The following MBTD1 variants were observed in gnomAD, a reference collection of about 807,000 sequenced individuals.
The protein encoded by MBTD1 is MBT domain-containing protein 1.
A neutral mutation model predicts 87.8 loss-of-function variants in MBTD1; 24 were observed. The observed-to-expected ratio is 0.27, with a 90% CI of 0.20 to 0.38. The LOEUF (loss-of-function observed/expected upper bound fraction) is 0.38, where lower values mean the gene tolerates loss of function less well. Among genes scored for constraint, MBTD1 ranks in the 10% least tolerant of loss-of-function variants. The pLI is 1.00. For synonymous variants in MBTD1, 237 were observed against 248.6 expected (o/e 0.95, Z 0.44); for missense variants, 436 against 760.2 (o/e 0.57, Z 5.02).
At chr17:51,260,854 C>G (rs2144374053), upstream of MBTD1, 1 of 1,601,264 alleles carries the variant, frequency 6.2e-7, no homozygotes, top group South Asian at 1.1e-5. Flanking sequence ...TGGAGCGGTG[C>G]TTGGAGGAGC....
At chr17:51,202,322 G>A (rs1266169496) in intron 10 of MBTD1, among the ~76,000 whole-genome samples, 1 of 152,090 alleles carries the variant, frequency 6.6e-6, no homozygotes, top group East Asian at 1.9e-4. Flanking sequence ...TCCCTAGTTA[G>A]AAAATTACAA....
chr17:51,198,253 C>A (rs2051252333), intron 12 of MBTD1, among the ~76,000 whole-genome samples: 1 of 152,172 alleles, frequency 6.6e-6, no homozygotes, highest in African/African-American at 2.4e-5. Context: ...TGGATGCTGC[C>A]CCTCTTAGAC....
intron 2 of MBTD1, among the ~76,000 whole-genome samples, chr17:51,245,075 T>C (rs1366805553): frequency 1.3e-5 from 2 of 152,124 alleles, no homozygotes; most frequent in East Asian, 1.9e-4. Flanking sequence ...TAATTTTTTG[T>C]ATTTTTAGTA....
At chr17:51,254,998 A>C (rs1213399998) in intron 2 of MBTD1, among the ~76,000 whole-genome samples, 1 of 152,154 alleles carries the variant, frequency 6.6e-6, no homozygotes, top group Non-Finnish European at 1.5e-5. Flanking sequence ...TAACATAGAG[A>C]CGGGCCAGGC....
At chr17:51,220,645 G>A in intron 3 of MBTD1, among the ~76,000 whole-genome samples, 182 bp from the exon 4 acceptor site, 1 of 152,176 alleles carries the variant, frequency 6.6e-6, no homozygotes, top group East Asian at 1.9e-4. Flanking sequence ...AGAGAACACT[G>A]GTATTGTGCC....
chr17:51,210,294 A>G (rs948383996), intron 6 of MBTD1, among the ~76,000 whole-genome samples: 1 of 151,986 alleles, frequency 6.6e-6, no homozygotes, highest in Non-Finnish European at 1.5e-5. Context: ...CCTGTCCTCT[A>G]CTCATCTTTT....
intron 2 of MBTD1, among the ~76,000 whole-genome samples, chr17:51,231,690 G>A (rs1265677963): frequency 6.6e-6 from 1 of 152,102 alleles, no homozygotes; most frequent in African/African-American, 2.4e-5. Context: ...GATGCACCCA[G>A]CCTAAGGCCT....
intron 2 of MBTD1, among the ~76,000 whole-genome samples, 177 bp from the exon 3 acceptor site, chr17:51,225,386 C>T (rs908477191): frequency 4.8e-4 from 73 of 151,938 alleles, no homozygotes; most frequent in African/African-American, 1.5e-3. Context: ...CAGAGTCTCG[C>T]TCTGTCACCC....
chr17:51,259,265 G>A (rs2055296575), intron 1 of MBTD1, 59 bp from the exon 2 acceptor site: 6 of 1,231,470 alleles, frequency 4.9e-6, no homozygotes, highest in African/African-American at 1.6e-5. Flanking sequence ...GAAGTCCACC[G>A]ACTTGAAACC....
chr17:51,205,543 A>C (rs1372371465), intron 7 of MBTD1, among the ~76,000 whole-genome samples: 2 of 152,236 alleles, frequency 1.3e-5, no homozygotes, highest in Non-Finnish European at 2.9e-5. Context: ...TTTCAAGAAA[A>C]AGATGGGGAA....
intron 2 of MBTD1, among the ~76,000 whole-genome samples, chr17:51,247,798 C>T (rs1274936711): frequency 6.6e-6 from 1 of 152,204 alleles, no homozygotes; most frequent in Non-Finnish European, 1.5e-5. Flanking sequence ...ATTTTCTATA[C>T]TCATGTAGCA....
chr17:51,254,299 G>A (rs2144254376), intron 2 of MBTD1, among the ~76,000 whole-genome samples: 1 of 152,296 alleles, frequency 6.6e-6, no homozygotes, highest in Admixed American at 6.5e-5. Context: ...AAACTCATCA[G>A]TGTAAAGAGA....
chr17:51,258,847 T>C (rs1033247495), intron 2 of MBTD1, among the ~76,000 whole-genome samples: 1 of 152,224 alleles, frequency 6.6e-6, no homozygotes, highest in South Asian at 2.1e-4. Flanking sequence ...CACTTGACAC[T>C]GACCCAGCAA....
At chr17:51,182,438 T>G (rs1028421967) in intron 16 of MBTD1, among the ~76,000 whole-genome samples, 1 of 152,202 alleles carries the variant, frequency 6.6e-6, no homozygotes, top group African/African-American at 2.4e-5. Context: ...TTTATACATT[T>G]GAATGGTTCT....
chr17:51,232,236 T>C (rs2053587226), intron 2 of MBTD1, among the ~76,000 whole-genome samples: 1 of 152,126 alleles, frequency 6.6e-6, no homozygotes, highest in Non-Finnish European at 1.5e-5. Flanking sequence ...AGGCTACCAG[T>C]GCCCTTTGAT....
At chr17:51,185,041 A>G (rs1458979860) in intron 16 of MBTD1, 1 of 152,230 alleles carries the variant, frequency 6.6e-6, no homozygotes, top group Non-Finnish European at 1.5e-5. Flanking sequence ...CAAAAGCTAA[A>G]GAACATATCC....
At chr17:51,211,568 CAG>C (rs997008058) in intron 6 of MBTD1, among the ~76,000 whole-genome samples, 21 of 151,150 alleles carry the variant, frequency 1.4e-4, no homozygotes, top group Non-Finnish European at 2.9e-4. Flanking sequence ...TGCTTTCCCG[CAG>C]AGAGTTTATT....
chr17:51,198,504 T>C (rs1441928467), intron 12 of MBTD1, among the ~76,000 whole-genome samples: 1 of 152,222 alleles, frequency 6.6e-6, no homozygotes, highest in Non-Finnish European at 1.5e-5. Context: ...TGGACAGAAC[T>C]ACCCCACTTA....
chr17:51,181,345 A>G (rs2050306063), intron 16 of MBTD1, among the ~76,000 whole-genome samples: 1 of 152,154 alleles, frequency 6.6e-6, no homozygotes, highest in African/African-American at 2.4e-5. Flanking sequence ...CTTTTATTAA[A>G]AAGATTCTCT....
Sources: allele counts gnomAD v4.1 joint callset (sites outside exome capture counted in the v4.1 genomes callset), GRCh38; gene constraint gnomAD v4.1.1; transcripts MANE v1.5; gene names NCBI Gene and HGNC (gene_info 2026-07-23, HGNC 2026-07-21).